Variants in TRDN observed in about 807,000 individuals in gnomAD.
TRDN encodes triadin in skeletal muscle.
In TRDN, 161 loss-of-function variants were observed where a neutral mutation model predicts 149.7. That is an observed-to-expected ratio of 1.08 (90% CI 0.95 to 1.23). TRDN has a LOEUF of 1.23. Ranked by LOEUF, TRDN falls within the 50% of genes most tolerant of loss-of-function variation. TRDN has a pLI of 0.00. For synonymous variants in TRDN, 294 were observed against 250.5 expected (o/e 1.17, Z -1.64); for missense variants, 896 against 823.5 (o/e 1.09, Z -1.08).
At chr6:123,559,869 G>A (rs1232801531) in intron 2 of TRDN, among the ~76,000 whole-genome samples, 4 of 152,114 alleles carry the variant, frequency 2.6e-5, no homozygotes, top group Non-Finnish European at 4.4e-5. Context: ...ATTCTGTTCT[G>A]GATCTCAAAC....
chr6:123,446,746 G>A (rs1775401395), intron 10 of TRDN, among the ~76,000 whole-genome samples: 1 of 152,094 alleles, frequency 6.6e-6, no homozygotes, highest in Non-Finnish European at 1.5e-5. Context: ...GAGTAACATA[G>A]GAAGCCAGTG....
At chr6:123,507,443 CTT>C (rs1283118801) in intron 7 of TRDN, among the ~76,000 whole-genome samples, 20 of 152,136 alleles carry the variant, frequency 1.3e-4, no homozygotes, top group African/African-American at 4.8e-4. Flanking sequence ...TTTAGACACT[CTT>C]CAATCACATT....
intron 9 of TRDN, among the ~76,000 whole-genome samples, chr6:123,466,351 A>T (rs1259408637): frequency 6.6e-6 from 1 of 152,172 alleles, no homozygotes. Context: ...GTTTTCCTGC[A>T]TTAAGTCATT....
At chr6:123,496,154 C>T (rs6922718) in intron 9 of TRDN, among the ~76,000 whole-genome samples, 122,107 of 146,934 alleles carry the variant, frequency 0.83, 50,903 homozygotes, top group East Asian at 0.88. Context: ...TATTTAGTGA[C>T]TTTCCCCCTC....
At chr6:123,623,574 G>C (rs1441265640) in intron 1 of TRDN, among the ~76,000 whole-genome samples, 1 of 152,024 alleles carries the variant, frequency 6.6e-6, no homozygotes, top group Non-Finnish European at 1.5e-5. Context: ...GTCTCCTTCA[G>C]CTTGGTTCAC....
chr6:123,302,051 A>G (rs1314171309), intron 24 of TRDN, among the ~76,000 whole-genome samples: 2 of 150,680 alleles, frequency 1.3e-5, no homozygotes, highest in Admixed American at 6.7e-5. Context: ...TTTACATATA[A>G]TATGTATATG....
intron 7 of TRDN, among the ~76,000 whole-genome samples, chr6:123,504,122 T>C (rs1778815409): frequency 6.6e-6 from 1 of 151,880 alleles, no homozygotes; most frequent in Admixed American, 6.6e-5. Flanking sequence ...TATGAAGTGC[T>C]ATATTAGATA....
Position 123,218,558 on chromosome 6 carries a change from T to A in TRDN, c.*43A>T. ...GAACTACTGTGGACAAAACATCACATTTTTAAAATCTTAAAGCACTTGTAA... is the reference window on the plus strand; with the variant it reads ...GAACTACTGTGGACAAAACATCACAATTTTAAAATCTTAAAGCACTTGTAA... On this transcript the variant is annotated 3_prime_UTR_variant, in exon 41 of 41. Coordinates refer to ENST00000334268, the MANE Select transcript of TRDN (RefSeq NM_006073.4). 1 of 1,573,406 alleles carries A rather than the reference T, an allele frequency of 6.4e-7. No homozygotes were observed. The highest frequency in any genetic ancestry group is 1.2e-5 in the South Asian group (1 of 85,640).
At chr6:123,290,105 C>T (rs73551216) in intron 24 of TRDN, among the ~76,000 whole-genome samples, 3,034 of 152,192 alleles carry the variant, frequency 0.02, 88 homozygotes, top group South Asian at 0.077. Flanking sequence ...ACTGGGTGAG[C>T]TCTCTGGTGC....
chr6:123,340,076 A>G (rs1780010845), intron 21 of TRDN, among the ~76,000 whole-genome samples: 1 of 152,178 alleles, frequency 6.6e-6, no homozygotes, highest in Admixed American at 6.6e-5. Flanking sequence ...ATAAATAGCA[A>G]AGAGCTTTTA....
intron 24 of TRDN, among the ~76,000 whole-genome samples, chr6:123,289,521 C>T (rs1562247283): frequency 1.3e-5 from 2 of 152,046 alleles, no homozygotes; most frequent in Admixed American, 6.6e-5. Context: ...AACAGGGCCT[C>T]AGTGAAAGCA....
intron 12 of TRDN, among the ~76,000 whole-genome samples, chr6:123,424,599 C>T (rs1171254855): frequency 6.6e-6 from 1 of 151,986 alleles, no homozygotes; most frequent in Non-Finnish European, 1.5e-5. Flanking sequence ...TGTGCATATA[C>T]TTTTGAAATC....
intron 14 of TRDN, among the ~76,000 whole-genome samples, chr6:123,384,649 ATATAT>A (rs1781841273): frequency 6.6e-6 from 1 of 152,234 alleles, no homozygotes; most frequent in Non-Finnish European, 1.5e-5. Context: ...AGAATCAATA[ATATAT>A]TTTATCAGAT....
intron 9 of TRDN, among the ~76,000 whole-genome samples, chr6:123,478,891 C>A (rs1777619868): frequency 6.6e-6 from 1 of 152,118 alleles, no homozygotes. Flanking sequence ...ATGCTTTATC[C>A]ACTGCTTCTG....
chr6:123,546,509 C>A (rs1170573136), intron 4 of TRDN, among the ~76,000 whole-genome samples: 1 of 152,014 alleles, frequency 6.6e-6, no homozygotes, highest in Non-Finnish European at 1.5e-5. Context: ...CCTGGGTAAA[C>A]CCTCAACAGC....
chr6:123,312,349 C>T (rs962787359), intron 24 of TRDN, among the ~76,000 whole-genome samples: 4 of 151,904 alleles, frequency 2.6e-5, no homozygotes, highest in Non-Finnish European at 5.9e-5. Context: ...CCTTTTCCTC[C>T]TCCTCCTCAG....
intron 20 of TRDN, among the ~76,000 whole-genome samples, chr6:123,364,693 A>G (rs1356401888): frequency 1.3e-5 from 2 of 152,142 alleles, no homozygotes; most frequent in African/African-American, 4.8e-5. Flanking sequence ...AAAGAAACCT[A>G]TCTTCTGCTA....
intron 38 of TRDN, among the ~76,000 whole-genome samples, chr6:123,225,137 C>A (rs898444282): frequency 6.6e-6 from 1 of 151,496 alleles, no homozygotes; most frequent in Admixed American, 6.6e-5. Flanking sequence ...TGGAAAGATG[C>A]CTTATATTAT....
chr6:123,351,086 T>G (rs571991357), intron 21 of TRDN: 2 of 985,080 alleles, frequency 2.0e-6, no homozygotes, highest in South Asian at 4.7e-5. Context: ...ACTGTGGCTA[T>G]GAAAACAACC....
Sources: allele counts gnomAD v4.1 joint callset (sites outside exome capture counted in the v4.1 genomes callset), GRCh38; gene constraint gnomAD v4.1.1; transcripts MANE v1.5; gene names NCBI Gene and HGNC (gene_info 2026-07-23, HGNC 2026-07-21).